SENP6: variants seen among roughly 807,000 people sequenced by gnomAD.
SENP6 encodes the protein sentrin-specific protease 6.
In SENP6, 41 loss-of-function variants were observed where a neutral mutation model predicts 134.5. That is an observed-to-expected ratio of 0.30 (90% confidence interval 0.24 to 0.40). The LOEUF (loss-of-function observed/expected upper bound fraction) is 0.40. SENP6 is among the 10% of genes least tolerant of loss of function. The pLI is 1.00. For missense variants in SENP6, 1,248 were observed against 1,312.5 expected, an observed-to-expected ratio of 0.95 and a Z score of 0.76; for synonymous variants, 395 against 429.8, an observed-to-expected ratio of 0.92 and a Z score of 1.00.
At chr6:75,604,222 T>A (rs1275624542) in intron 1 of SENP6, among the ~76,000 whole-genome samples, 1 of 152,242 alleles carries the variant, frequency 6.6e-6, no homozygotes, top group African/African-American at 2.4e-5. Context: ...AACTACTACT[T>A]TTACTTTATT....
At chr6:75,705,967 CTCTTAA>C (rs1481431254) in intron 19 of SENP6, among the ~76,000 whole-genome samples, 1 of 80,642 alleles carries the variant, frequency 1.2e-5, no homozygotes, top group African/African-American at 4.1e-5. Context: ...GATGGAGTCT[CTCTTAA>C]TCACCCAGGC....
At chr6:75,657,306 C>T (rs1485388439) in intron 7 of SENP6, among the ~76,000 whole-genome samples, 2 of 152,158 alleles carry the variant, frequency 1.3e-5, no homozygotes, top group Middle Eastern at 3.2e-3. Flanking sequence ...TATAGTGTCA[C>T]ATCATAGCTC....
At chr6:75,659,187 T>A in intron 7 of SENP6, 75 bp from the exon 8 acceptor site, 1 of 1,085,424 alleles carries the variant, frequency 9.2e-7, no homozygotes, top group Non-Finnish European at 1.3e-6. Flanking sequence ...AGTCTTATGT[T>A]CTGATTATTT....
At chr6:75,617,658 A>G (rs1767965993) in intron 1 of SENP6, among the ~76,000 whole-genome samples, 1 of 152,182 alleles carries the variant, frequency 6.6e-6, no homozygotes, top group Non-Finnish European at 1.5e-5. Flanking sequence ...GTTTGTCACA[A>G]CTATGAAATT....
At position 75,633,653 on chromosome 6, in the gene SENP6, A is replaced by C; in HGVS notation, c.280A>C (p.Lys94Gln). The change falls in exon 4 of 24, where the codon AAG (lysine) becomes CAG (glutamine). Residue 94 changes from lysine (K) to glutamine (Q), a missense_variant. Lys to Gln is a moderately conservative substitution (Grantham distance 53). This residue lies in a region of SENP6 where 733 missense variants were observed against 725.4 expected (regional missense o/e 1.01). Transcript: ENST00000447266. Reference protein sequence around the residue: ...FILKTYVRRNKSESFKTLKGN... With the variant: ...FILKTYVRRNQSESFKTLKGN... Reference sequence around the variant, plus strand: ...CTTGAAGACATATGTAAGACGAAACAAGTCTGAAAGTTTTAAAACTTTGAA... The same window carrying C: ...CTTGAAGACATATGTAAGACGAAACCAGTCTGAAAGTTTTAAAACTTTGAA... 6.2e-7 allele frequency: 1 copy of C among 1,612,278 alleles called. No homozygotes were observed. Among genetic ancestry groups the C allele is most frequent in the Non-Finnish European group, 8.5e-7 (1 of 1,179,246 alleles).
At chr6:75,684,809 A>G (rs1327529546) in intron 16 of SENP6, among the ~76,000 whole-genome samples, 1 of 152,190 alleles carries the variant, frequency 6.6e-6, no homozygotes, top group Non-Finnish European at 1.5e-5. Context: ...CCAGTGTTTT[A>G]TTGAGGATTT....
rs545913070 is a variant in SENP6, at chr6:75,678,501, A to C, written c.1849-82A>C. 3 of 709,106 alleles carry C rather than the reference A, an allele frequency of 4.2e-6. No individual in the cohort carries two copies. In the South Asian group the frequency reaches 5.2e-5, roughly 12 times the overall value. The allele number at this position is 709,106 out of a possible 1,614,324, so 43.9% of individuals were successfully genotyped here. A position where few individuals can be genotyped will look rare whatever the true frequency, so the allele number is the denominator to read the frequency against. On this transcript the variant is annotated intron_variant, in intron 14 of 23. Coordinates refer to ENST00000447266, the MANE Select transcript of SENP6 (RefSeq NM_015571.4). The stretch of plus-strand genomic sequence containing the variant: ...CATTTTTAATCCTTTTGCATTGAAA[A>C]GCATTCTTGCCTTGTGCTTACCCTT...
chr6:75,695,103 C>T (rs1774564816), intron 16 of SENP6, among the ~76,000 whole-genome samples: 1 of 151,904 alleles, frequency 6.6e-6, no homozygotes, highest in Admixed American at 6.6e-5. Flanking sequence ...CTTGAGCTCC[C>T]AACCTCAGGT....
intron 2 of SENP6, among the ~76,000 whole-genome samples, chr6:75,622,122 C>G (rs1273532158): frequency 6.6e-6 from 1 of 152,166 alleles, no homozygotes; most frequent in Admixed American, 6.5e-5. Flanking sequence ...ATGATAAACA[C>G]AGGTGTTTAC....
intron 5 of SENP6, among the ~76,000 whole-genome samples, chr6:75,635,793 G>A (rs1221655780): frequency 6.6e-6 from 1 of 152,078 alleles, no homozygotes; most frequent in African/African-American, 2.4e-5. Context: ...TAAAAGGAGA[G>A]TAATTAGGGG....
chr6:75,696,880 A>G (rs1774698696), intron 17 of SENP6, among the ~76,000 whole-genome samples: 4 of 152,348 alleles, frequency 2.6e-5, no homozygotes, highest in Middle Eastern at 3.4e-3. Context: ...TTTAAAATTT[A>G]AAACTAGTGT....
chr6:75,665,881 G>T (rs1406131855), intron 9 of SENP6, among the ~76,000 whole-genome samples: 1 of 151,810 alleles, frequency 6.6e-6, no homozygotes, highest in Non-Finnish European at 1.5e-5. Flanking sequence ...ACAAAAATTA[G>T]CTGGGTGTAG....
chr6:75,657,490 T>C (rs1371169725), intron 7 of SENP6, among the ~76,000 whole-genome samples: 1 of 152,194 alleles, frequency 6.6e-6, no homozygotes, highest in Admixed American at 6.5e-5. Context: ...TCATTATCTC[T>C]GTGTCACAAA....
At chr6:75,657,563 AT>A (rs1209686522) in intron 7 of SENP6, among the ~76,000 whole-genome samples, 10 of 152,054 alleles carry the variant, frequency 6.6e-5, no homozygotes, top group African/African-American at 2.4e-4. Context: ...CTGTAATTTC[AT>A]TTTTTTATGT....
chr6:75,681,118 G>T (rs1206747499), intron 16 of SENP6, among the ~76,000 whole-genome samples: 2 of 152,178 alleles, frequency 1.3e-5, no homozygotes, highest in Non-Finnish European at 2.9e-5. Flanking sequence ...TACAGTTGAG[G>T]TTTGTGTCCC....
Position 75,715,393 on chromosome 6 carries a change from T to G in SENP6, c.3138T>G (p.Ile1046Met), listed in dbSNP as rs1775973127. The change falls in exon 24 of 24, where the codon ATT (isoleucine) becomes ATG (methionine). Residue 1046 changes from isoleucine to methionine, a missense_variant. By Grantham distance (10) the Ile-to-Met change is conservative (BLOSUM62 1). This residue lies in a region of SENP6 where 386 missense variants were observed against 395.0 expected (regional missense o/e 0.98). Transcript: ENST00000447266. Reference sequence around the variant, plus strand: ...TTTAATTGTATTTTCAGAATCCAATTCTCAGTTTTGAACTACCTATGAATT... The same window carrying G: ...TTTAATTGTATTTTCAGAATCCAATGCTCAGTTTTGAACTACCTATGAATT... ...QYVESFFENPILSFELPMNLA... is the reference protein window; with the variant it reads ...QYVESFFENPMLSFELPMNLA... 2.5e-6 allele frequency: 4 copies of G among 1,605,254 alleles called. No homozygotes were observed. The South Asian group carries it at 3.3e-5, about 13-fold the overall frequency.
At chr6:75,644,487 TTTG>T (rs1770279579) in intron 6 of SENP6, among the ~76,000 whole-genome samples, 3 of 151,344 alleles carry the variant, frequency 2.0e-5, no homozygotes, top group Admixed American at 1.3e-4. Flanking sequence ...TTTTTTTTTT[TTTG>T]TTTTCTTTTT....
In SENP6 at chr6:75,666,931, T is replaced by C. The variant is rs750229452; in HGVS notation, c.1214T>C (p.Met405Thr). 1.7e-5 allele frequency: 27 copies of C among 1,597,684 alleles called. No homozygotes were observed. The highest frequency in any genetic ancestry group is 2.1e-5 in the Non-Finnish European group (25 of 1,167,544). Residue 405 changes from methionine (M) to threonine (T), a missense_variant, in exon 10 of 24, where the codon ATG (methionine) becomes ACG (threonine). Transcript: ENST00000447266. ...GTTACATTGCCAAGAAAAGCAAGAA[T>C]GAAAGACCAGGTACTTTTCACTTTT... ...NTVTLPRKAR[M>T]KDQFGNSIIN...
chr6:75,627,653 G>C (rs1768797908), intron 3 of SENP6, among the ~76,000 whole-genome samples: 1 of 152,112 alleles, frequency 6.6e-6, no homozygotes, highest in Non-Finnish European at 1.5e-5. Context: ...TAGGGCATTG[G>C]TCTTCATGTA....
Sources: gnomAD v4.1 joint callset for allele counts (sites outside exome capture counted in the v4.1 genomes callset) on GRCh38, gnomAD v4.1.1 for gene constraint, gnomAD v4.1.1 regional missense constraint, MANE v1.5 for transcripts, NCBI Gene and HGNC (gene_info 2026-07-23, HGNC 2026-07-21) for gene names.